MDM4: variants seen among roughly 807,000 people sequenced by gnomAD.
MDM4 encodes the protein protein Mdm4.
A neutral mutation model predicts 60.2 loss-of-function variants in MDM4; 2 were observed. That is an observed-to-expected ratio of 0.03 (90% CI 0.01 to 0.10). The LOEUF (loss-of-function observed/expected upper bound fraction) is 0.10, where lower values mean the gene tolerates loss of function less well. Ranked by LOEUF, MDM4 falls within the 10% of genes least tolerant of loss-of-function variation. MDM4 has a pLI of 1.00. For synonymous variants in MDM4, 202 were observed against 198.1 expected (o/e 1.02, Z -0.17); for missense variants, 447 against 577.5 (o/e 0.77, Z 2.32).
chr1:204,524,229 T>C (rs1171846919), intron 1 of MDM4, among the ~76,000 whole-genome samples: 1 of 152,178 alleles, frequency 6.6e-6, no homozygotes, highest in African/African-American at 2.4e-5. Flanking sequence ...TCAGAACTCA[T>C]TGTACTTAAC....
chr1:204,546,944 C>T (rs906485836), intron 10 of MDM4, 67 bp downstream of exon 10: 22 of 1,025,626 alleles, frequency 2.1e-5, no homozygotes, highest in African/African-American at 3.2e-5. Context: ...CCCAGCAGTT[C>T]ACTTGTGTTG....
chr1:204,557,769 T>A lies in MDM4; in HGVS notation c.*8087T>A, dbSNP rs1446553621. The A allele has an allele frequency of 1.1e-5, 2 of 187,670 alleles. No individual in the cohort carries two copies. Among genetic ancestry groups the A allele is most frequent in the Non-Finnish European group, 2.2e-5 (2 of 89,056 alleles). 11.6% of individuals were successfully genotyped at this position (187,670 alleles called of 1,614,324 possible). A position where few individuals can be genotyped will look rare whatever the true frequency, so the allele number is the denominator to read the frequency against. On this transcript the variant is annotated 3_prime_UTR_variant, in exon 11 of 11. Transcript: ENST00000367182. ...ATGCACTGTCAATATATAGAAAACA[T>A]GAAATTTTCCAAATATTTCCGATCA...
chr1:204,532,441 T>A, intron 5 of MDM4, 195 bp downstream of exon 5: 1 of 573,212 alleles, frequency 1.7e-6, no homozygotes, highest in Non-Finnish European at 3.1e-6. Flanking sequence ...GTAGAAGGAT[T>A]TCCACTTTCT....
chr1:204,538,706 CTTT>C (rs761804094), intron 7 of MDM4, among the ~76,000 whole-genome samples: 11 of 139,514 alleles, frequency 7.9e-5, no homozygotes, highest in East Asian at 2.0e-4. Context: ...AATTTTCATA[CTTT>C]TTTTTTTTTT....
In MDM4 at chr1:204,552,855, A is replaced by G. The variant is rs1663319738; in HGVS notation, c.*3173A>G. ...CATCTTTACTTGTAGGAAACTTTAA[A>G]CTATTTCTTTTCTTTTCTTTTTTTT... On this transcript the variant is annotated 3_prime_UTR_variant, in exon 11 of 11. Coordinates refer to ENST00000367182, the MANE Select transcript of MDM4 (RefSeq NM_002393.5). 2 of 170,116 alleles carry G rather than the reference A, an allele frequency of 1.2e-5. No individual in the cohort carries two copies. Among genetic ancestry groups the G allele is most frequent in the East Asian group, 9.8e-5 (1 of 10,166 alleles). 10.5% of individuals were successfully genotyped at this position (170,116 alleles called of 1,614,324 possible). A position where few individuals can be genotyped will look rare whatever the true frequency, so the allele number is the denominator to read the frequency against.
rs1180638443 is a variant in MDM4 at position 204,554,552 on chromosome 1, T to G, written c.*4870T>G. The G allele has an allele frequency of 4.4e-6, 1 of 225,556 alleles. No individual in the cohort carries two copies. The highest frequency in any genetic ancestry group is 8.8e-6 in the Non-Finnish European group (1 of 113,242). 14.0% of individuals were successfully genotyped at this position (225,556 alleles called of 1,614,324 possible). ...TACAGTGTTTACAAATGTCTGGAAT[T>G]TTGCACTGCCATAGGGAATGTTAAG... On this transcript the variant is annotated 3_prime_UTR_variant, in exon 11 of 11. Coordinates refer to ENST00000367182, the MANE Select transcript of MDM4 (RefSeq NM_002393.5).
intron 3 of MDM4, chr1:204,529,595 T>A: frequency 3.1e-6 from 4 of 1,303,880 alleles, no homozygotes; most frequent in Non-Finnish European, 3.1e-6. Flanking sequence ...CATACTGCCC[T>A]CCACTACTGG....
chr1:204,536,027 C>T (rs989464533), intron 5 of MDM4, among the ~76,000 whole-genome samples: 4 of 151,940 alleles, frequency 2.6e-5, no homozygotes, highest in Admixed American at 6.5e-5. Context: ...TTTGGGAGGC[C>T]GAGGCGGGTG....
chr1:204,549,163 G>A lies in MDM4; in HGVS notation c.954G>A (p.Arg318=), dbSNP rs761072495. Residue 318 remains arginine, a synonymous_variant, in exon 11 of 11, where the codon AGG becomes AGA. Transcript: ENST00000367182. The stretch of plus-strand genomic sequence containing the variant: ...AGAAATTTAACTCTCCAAGCAAGAG[G>A]TACTGTTTTCGTTGTTGGGCCTTGA... ...ECKKFNSPSK[R]YCFRCWALRK... 17 of 1,613,698 alleles carry A rather than the reference G, an allele frequency of 1.1e-5. No homozygotes were observed. The highest frequency in any genetic ancestry group is 1.4e-5 in the Non-Finnish European group (16 of 1,179,816).
chr1:204,542,533 G>C (rs1486245841), intron 7 of MDM4, among the ~76,000 whole-genome samples: 1 of 151,676 alleles, frequency 6.6e-6, no homozygotes, highest in Non-Finnish European at 1.5e-5. Flanking sequence ...TCTCATAGAA[G>C]ACAATGCTTT....
chr1:204,532,118 T>C (rs2102359795), intron 4 of MDM4, 73 bp from the exon 5 acceptor site: 2 of 885,996 alleles, frequency 2.3e-6, no homozygotes, highest in South Asian at 1.4e-5. Context: ...ACATTTAATA[T>C]TTAACGGCAA....
chr1:204,550,101 C>T lies in MDM4; in HGVS notation c.*419C>T, dbSNP rs1663061895. ...TCCCTTCTGCCCCTCTTCAGACAGT[C>T]CTTCAGCTATTTCATGGCTCTCACC... On this transcript the variant is annotated 3_prime_UTR_variant, in exon 11 of 11. Transcript: ENST00000367182. The T allele has an allele frequency of 4.3e-6, 1 of 234,446 alleles. No individual in the cohort carries two copies. The highest frequency in any genetic ancestry group is 8.4e-6 in the Non-Finnish European group (1 of 119,136). The allele number at this position is 234,446 out of a possible 1,614,324, so 14.5% of individuals were successfully genotyped here.
At chr1:204,521,598 CCAAAAGTA>C (rs1659571696) in intron 1 of MDM4, among the ~76,000 whole-genome samples, 1 of 152,026 alleles carries the variant, frequency 6.6e-6, no homozygotes, top group Non-Finnish European at 1.5e-5. Flanking sequence ...TCAAGCACCT[CCAAAAGTA>C]CAAAACATGA....
At chr1:204,529,052 G>A in intron 3 of MDM4, 4 of 1,489,926 alleles carry the variant, frequency 2.7e-6, no homozygotes, top group East Asian at 2.3e-5. Context: ...GGCTCAGGTT[G>A]TAGCCCATTT....
intron 1 of MDM4, among the ~76,000 whole-genome samples, chr1:204,520,625 C>T (rs924352150): frequency 1.3e-5 from 2 of 152,090 alleles, no homozygotes; most frequent in Non-Finnish European, 2.9e-5. Context: ...TGGCTCATGC[C>T]TGTAATCCCA....
rs1200817589 is a variant in MDM4 at position 204,552,355 on chromosome 1, C to T, written c.*2673C>T. On this transcript the variant is annotated 3_prime_UTR_variant, in exon 11 of 11. Transcript: ENST00000367182. ...TTTTTTTTTTTTTGAGACAGTCTCA[C>T]TCTGTTGCCCAGGCTGGAGTGCAAT... 1.5e-5 allele frequency: 2 copies of T among 131,952 alleles called. No individual in the cohort carries two copies. The highest frequency in any genetic ancestry group is 5.4e-5 in the African/African-American group (2 of 36,990). 8.2% of individuals were successfully genotyped at this position (131,952 alleles called of 1,614,324 possible).
rs1558347418 is a variant in MDM4 at position 204,556,909 on chromosome 1, A to T, written c.*7227A>T. The T allele has an allele frequency of 9.6e-6, 2 of 209,130 alleles. No individual in the cohort carries two copies. The highest frequency in any genetic ancestry group is 4.6e-5 in the African/African-American group (2 of 43,894). 13.0% of individuals were successfully genotyped at this position (209,130 alleles called of 1,614,324 possible). ...AGACCTCATAGCAACCTTGAATATG[A>T]CTTTCTTTAGTCTCTAGCTATGCAC... On this transcript the variant is annotated 3_prime_UTR_variant, in exon 11 of 11. Transcript: ENST00000367182.
At chr1:204,517,433 C>T (rs1161027356) in intron 1 of MDM4, among the ~76,000 whole-genome samples, 1 of 151,544 alleles carries the variant, frequency 6.6e-6, no homozygotes, top group Non-Finnish European at 1.5e-5. Flanking sequence ...AGTGGAGTTT[C>T]GCTCTTTTTG....
chr1:204,524,895 C>G (rs113266958), intron 1 of MDM4, among the ~76,000 whole-genome samples: 4 of 152,254 alleles, frequency 2.6e-5, no homozygotes, highest in African/African-American at 9.6e-5. Context: ...CATGCTACAT[C>G]TTTTCTTTGA....
Sources: gnomAD v4.1 joint callset for allele counts (sites outside exome capture counted in the v4.1 genomes callset) on GRCh38, gnomAD v4.1.1 for gene constraint, MANE v1.5 for transcripts, NCBI Gene and HGNC (gene_info 2026-07-23, HGNC 2026-07-21) for gene names.